The following TRAPPC8 variants were observed in gnomAD, a reference collection of about 807,000 sequenced individuals.
TRAPPC8 encodes trafficking protein particle complex subunit 8.
TRAPPC8 carries 54 observed loss-of-function variants against 174.3 expected under a neutral mutation model. The ratio of observed to expected loss-of-function variants is 0.31; its 90% CI spans 0.25 to 0.39. The LOEUF is 0.39. TRAPPC8 is among the 10% of genes least tolerant of loss of function. The pLI, the probability that TRAPPC8 is intolerant of heterozygous loss-of-function variation, is 1.00. For synonymous variants in TRAPPC8, 630 were observed against 579.9 expected, an observed-to-expected ratio of 1.09 and a Z score of -1.24; for missense variants, 1,531 against 1,699.1, an observed-to-expected ratio of 0.90 and a Z score of 1.74.
chr18:31,890,879 TAA>T lies in TRAPPC8; in HGVS notation c.1597-15_1597-14del, dbSNP rs749688684. On this transcript the variant is annotated splice_polypyrimidine_tract_variant and intron_variant, in intron 11 of 28. Transcript: ENST00000283351. Reference sequence around the variant, plus strand: ...GAAGATCAGAATCCTAGTGAATGTTTAAAAGAGAAAAAGGTTAGTTTCACCAA... The same window carrying T: ...GAAGATCAGAATCCTAGTGAATGTTTAAGAGAAAAAGGTTAGTTTCACCAA... 9.5e-6 allele frequency: 15 copies of T among 1,586,824 alleles called. No individual in the cohort carries two copies. Among genetic ancestry groups the T allele is most frequent in the Non-Finnish European group, 1.0e-5 (12 of 1,169,256 alleles).
At chr18:31,903,685 C>T (rs1054066139) in intron 9 of TRAPPC8, among the ~76,000 whole-genome samples, 5 of 152,146 alleles carry the variant, frequency 3.3e-5, no homozygotes, top group Non-Finnish European at 5.9e-5. Context: ...GACCATTTTT[C>T]TTAAGCCTAT....
intron 27 of TRAPPC8, among the ~76,000 whole-genome samples, chr18:31,836,591 G>C (rs553208): frequency 3.3e-5 from 5 of 152,136 alleles, no homozygotes; most frequent in African/African-American, 1.2e-4. Context: ...ATTGTTCATA[G>C]AAGTGTGTGA....
intron 21 of TRAPPC8, among the ~76,000 whole-genome samples, chr18:31,855,079 G>A (rs1413870971): frequency 6.6e-6 from 1 of 151,690 alleles, no homozygotes; most frequent in Non-Finnish European, 1.5e-5. Context: ...GCATGTGCCT[G>A]TAATCCCAGC....
chr18:31,904,618 T>C (rs1216450571), intron 9 of TRAPPC8, among the ~76,000 whole-genome samples: 2 of 152,224 alleles, frequency 1.3e-5, no homozygotes, highest in South Asian at 2.1e-4. Context: ...ATATGAACGA[T>C]ATCTATTTTA....
In TRAPPC8 at chr18:31,911,813, C is replaced by T. The variant is rs2036921230; in HGVS notation, c.771+1556G>A. ...TTCTAGGCCGGCATGATGGCTCACACCTGTAATCCCAGCACTTTGGGAGAC... is the reference window on the plus strand; with the variant it reads ...TTCTAGGCCGGCATGATGGCTCACATCTGTAATCCCAGCACTTTGGGAGAC... On this transcript the variant is annotated intron_variant, in intron 5 of 28. Transcript: ENST00000283351. 2.1e-5 allele frequency among the ~76,000 whole-genome samples: 3 copies of T among 145,902 alleles called. No individual in the cohort carries two copies. In the Admixed American group the frequency reaches 2.1e-4, roughly 10 times the overall value.
chr18:31,887,646 CAAAAAAAA>C (rs34562657), intron 12 of TRAPPC8, among the ~76,000 whole-genome samples: 2 of 98,356 alleles, frequency 2.0e-5, no homozygotes, highest in South Asian at 3.4e-4. Flanking sequence ...AACTCCATCT[CAAAAAAAA>C]AAAAAAAAAA....
intron 12 of TRAPPC8, among the ~76,000 whole-genome samples, chr18:31,878,916 C>T (rs1205230151): frequency 1.3e-5 from 2 of 151,988 alleles, no homozygotes; most frequent in Admixed American, 6.6e-5. Context: ...TTCAATTCAA[C>T]AAGAAGATTT....
Position 31,877,112 on chromosome 18 carries a change from C to T in TRAPPC8, c.1729-2408G>A, listed in dbSNP as rs191748349. On this transcript the variant is annotated intron_variant, in intron 12 of 28. Transcript: ENST00000283351. Reference sequence around the variant, plus strand: ...GGGGGGACAGTAGCCTGCCAAAGCCCCACCTTGAGACAAAGGTAATGCAAG... The same window carrying T: ...GGGGGGACAGTAGCCTGCCAAAGCCTCACCTTGAGACAAAGGTAATGCAAG... Among the ~76,000 whole-genome samples the T allele has an allele frequency of 1.4e-3, 220 of 152,256 alleles. 1 individual carries two copies. The highest frequency in any genetic ancestry group is 5.1e-3 in the African/African-American group (214 of 41,574).
intron 19 of TRAPPC8, among the ~76,000 whole-genome samples, chr18:31,861,534 T>C (rs1362915395): frequency 6.6e-6 from 1 of 152,164 alleles, no homozygotes; most frequent in African/African-American, 2.4e-5. Context: ...AATGTAAAAG[T>C]AAACCTCTAT....
At chr18:31,909,584 C>T (rs1472440553) in intron 6 of TRAPPC8, 83 bp downstream of exon 6, 2 of 1,493,196 alleles carry the variant, frequency 1.3e-6, no homozygotes, top group African/African-American at 1.5e-5. Flanking sequence ...TTTCCCCCAT[C>T]TTTTATCTAT....
At chr18:31,839,691 G>C (rs937558106) in intron 26 of TRAPPC8, among the ~76,000 whole-genome samples, 1 of 152,176 alleles carries the variant, frequency 6.6e-6, no homozygotes, top group African/African-American at 2.4e-5. Context: ...AGTTAGACTT[G>C]AATCTCAGTA....
Position 31,858,537 on chromosome 18 carries a change from C to T in TRAPPC8, c.2746-555G>A, listed in dbSNP as rs550396476. ...GGGGCAAAACCTGACCTAATAGAGG[C>T]TTTTTATATTCTTTCCCATTTAGTG... On this transcript the variant is annotated intron_variant, in intron 19 of 28. Transcript: ENST00000283351. Among the ~76,000 whole-genome samples, 5 of 152,212 alleles carry T rather than the reference C, an allele frequency of 3.3e-5. No homozygotes were observed. The South Asian group carries it at 8.3e-4, about 25-fold the overall frequency.
chr18:31,908,680 A>G (rs1452490669), intron 7 of TRAPPC8, 74 bp downstream of exon 7: 1 of 1,386,040 alleles, frequency 7.2e-7, no homozygotes, highest in Non-Finnish European at 9.5e-7. Flanking sequence ...CAAAACTTCA[A>G]ATACGTTTAA....
chr18:31,916,031 T>G (rs2037130143), intron 4 of TRAPPC8, among the ~76,000 whole-genome samples: 1 of 143,182 alleles, frequency 7.0e-6, no homozygotes, highest in Non-Finnish European at 1.5e-5. Flanking sequence ...CACTCCAGCC[T>G]GGGTGACAGG....
At chr18:31,904,229 T>A (rs2036563877) in intron 9 of TRAPPC8, among the ~76,000 whole-genome samples, 1 of 149,864 alleles carries the variant, frequency 6.7e-6, no homozygotes, top group Non-Finnish European at 1.5e-5. Flanking sequence ...GAGCAAGACC[T>A]TGCCTCCAAA....
At chr18:31,914,164 A>C (rs1404885027) in intron 4 of TRAPPC8, among the ~76,000 whole-genome samples, 1 of 135,760 alleles carries the variant, frequency 7.4e-6, no homozygotes, top group Admixed American at 7.2e-5. Flanking sequence ...GAAAAACAAG[A>C]AAAAAAAAAA....
intron 19 of TRAPPC8, among the ~76,000 whole-genome samples, chr18:31,863,287 T>C (rs1568059486): frequency 6.6e-6 from 1 of 152,204 alleles, no homozygotes; most frequent in Non-Finnish European, 1.5e-5. Flanking sequence ...CAATTTACTA[T>C]AGTTTTGCTG....
intron 27 of TRAPPC8, among the ~76,000 whole-genome samples, chr18:31,835,508 T>G (rs2032658441): frequency 6.6e-6 from 1 of 152,218 alleles, no homozygotes; most frequent in African/African-American, 2.4e-5. Flanking sequence ...ACAACTTCCA[T>G]GACCAAACCA....
chr18:31,936,429 T>C (rs1427798784), intron 1 of TRAPPC8, among the ~76,000 whole-genome samples: 1 of 152,096 alleles, frequency 6.6e-6, no homozygotes, highest in African/African-American at 2.4e-5. Context: ...ATGCCCCCTG[T>C]ATCCAGCCTA....
Sources: gnomAD v4.1 joint callset for allele counts (sites outside exome capture counted in the v4.1 genomes callset) on GRCh38, gnomAD v4.1.1 for gene constraint, MANE v1.5 for transcripts, NCBI Gene and HGNC (gene_info 2026-07-23, HGNC 2026-07-21) for gene names.